HHAT: variants seen among roughly 807,000 people sequenced by gnomAD.
HHAT encodes protein-cysteine N-palmitoyltransferase HHAT.
HHAT carries 47 observed loss-of-function variants against 70.8 expected under a neutral mutation model. That is an observed-to-expected ratio of 0.66 (90% CI 0.53 to 0.85). HHAT has a LOEUF of 0.85. Among genes scored for constraint, HHAT ranks in the 40% least tolerant of loss-of-function variants. HHAT has a pLI of 0.00. For synonymous variants in HHAT, 228 were observed against 247.6 expected (o/e 0.92, Z 0.74); for missense variants, 609 against 604.8 (o/e 1.01, Z -0.07).
rs369153737 is a variant in HHAT at position 210,571,129 on chromosome 1, G to A, written c.1044-16769G>A. 6.3e-4 allele frequency among the ~76,000 whole-genome samples: 96 copies of A among 152,306 alleles called. 3 individuals are homozygous for A. The South Asian group carries it at 0.019, about 30-fold the overall frequency. On this transcript the variant is annotated intron_variant, in intron 9 of 11. Coordinates refer to ENST00000261458, the MANE Select transcript of HHAT (RefSeq NM_018194.6). The stretch of plus-strand genomic sequence containing the variant: ...CTGTGCTACCTAAGGCAAAGATGGC[G>A]AGCTCTGGATCAGCTACTTCTGCCC...
At chr1:210,403,177 G>GT (rs1276273352) in intron 5 of HHAT, among the ~76,000 whole-genome samples, 1 of 152,096 alleles carries the variant, frequency 6.6e-6, no homozygotes, top group East Asian at 1.9e-4. Context: ...TTTTAAGCAC[G>GT]TATGTCAAAA....
chr1:210,334,814 G>A (rs557618007), intron 1 of HHAT, among the ~76,000 whole-genome samples: 173 of 151,756 alleles, frequency 1.1e-3, no homozygotes, highest in African/African-American at 4.0e-3. Flanking sequence ...TGTTATGAAC[G>A]ATTTCATGGT....
chr1:210,374,206 C>A (rs72745436), intron 3 of HHAT: 2 of 152,082 alleles, frequency 1.3e-5, no homozygotes, highest in African/African-American at 4.8e-5. Flanking sequence ...TGATTTGTTT[C>A]TCTCCACGGA....
intron 11 of HHAT, among the ~76,000 whole-genome samples, chr1:210,660,720 T>C (rs893442890): frequency 1.3e-5 from 2 of 152,140 alleles, no homozygotes. Flanking sequence ...AACAGAGATA[T>C]AGACCAATGG....
intron 11 of HHAT, among the ~76,000 whole-genome samples, chr1:210,637,854 G>A (rs1182909701): frequency 1.8e-3 from 84 of 45,934 alleles, no homozygotes; most frequent in Middle Eastern, 0.036. Flanking sequence ...GTGAGACTCC[G>A]TCTCAAAAAA....
At chr1:210,373,948 G>C (rs555770535) in intron 3 of HHAT, among the ~76,000 whole-genome samples, 1 of 152,288 alleles carries the variant, frequency 6.6e-6, no homozygotes, top group South Asian at 2.1e-4. Flanking sequence ...TGTTAATGTT[G>C]CTAATTAGCA....
At chr1:210,605,846 T>C (rs1665286420) in intron 10 of HHAT, among the ~76,000 whole-genome samples, 1 of 152,002 alleles carries the variant, frequency 6.6e-6, no homozygotes, top group African/African-American at 2.4e-5. Context: ...ATTAATTTCT[T>C]CATTTATGTT....
Position 210,329,309 on chromosome 1 carries a change from G to A in HHAT, c.-44+205G>A, listed in dbSNP as rs1244774165. 3 of 1,220,814 alleles carry A rather than the reference G, an allele frequency of 2.5e-6. No individual in the cohort carries two copies. In the African/African-American group the frequency reaches 4.7e-5, roughly 19 times the overall value. The allele number at this position is 1,220,814 out of a possible 1,614,324, so 75.6% of individuals were successfully genotyped here. A position where few individuals can be genotyped will look rare whatever the true frequency, so the allele number is the denominator to read the frequency against. On this transcript the variant is annotated intron_variant, in intron 1 of 11. Transcript: ENST00000261458. ...CGGGGGCCGCGCGCGCAGTGCGCCC[G>A]GGCAAAGGCGGGGATCTAGGCGCCG...
chr1:210,566,448 T>C (rs1430846250), intron 9 of HHAT, among the ~76,000 whole-genome samples: 2 of 152,104 alleles, frequency 1.3e-5, no homozygotes, highest in Non-Finnish European at 2.9e-5. Flanking sequence ...ACAGGCATTC[T>C]TGTTTTTGTT....
chr1:210,489,583 C>T (rs1203511500), intron 8 of HHAT, among the ~76,000 whole-genome samples: 1 of 152,116 alleles, frequency 6.6e-6, no homozygotes, highest in Non-Finnish European at 1.5e-5. Flanking sequence ...TCCCCTTGAC[C>T]AGGGCCTCTT....
intron 9 of HHAT, among the ~76,000 whole-genome samples, chr1:210,515,241 C>T (rs1471748885): frequency 2.0e-5 from 3 of 152,196 alleles, no homozygotes; most frequent in Admixed American, 2.0e-4. Flanking sequence ...CATCCCTAGC[C>T]TCTGGGAGTA....
chr1:210,470,018 A>AT (rs907485183), intron 8 of HHAT, among the ~76,000 whole-genome samples: 2 of 151,922 alleles, frequency 1.3e-5, no homozygotes, highest in Non-Finnish European at 2.9e-5. Flanking sequence ...TAATTTTTAA[A>AT]TTTTTTGTAG....
chr1:210,577,881 T>C (rs1478427592), intron 9 of HHAT, among the ~76,000 whole-genome samples: 2 of 151,920 alleles, frequency 1.3e-5, no homozygotes, highest in Non-Finnish European at 2.9e-5. Flanking sequence ...CCTGACCTCA[T>C]GTGATCTGCC....
intron 9 of HHAT, among the ~76,000 whole-genome samples, chr1:210,571,011 A>G (rs1177162487): frequency 6.6e-6 from 1 of 152,176 alleles, no homozygotes; most frequent in African/African-American, 2.4e-5. Flanking sequence ...TAAATAGGGA[A>G]TGCTCTTGAA....
At chr1:210,552,772 G>T (rs1011573863) in intron 9 of HHAT, among the ~76,000 whole-genome samples, 1 of 152,220 alleles carries the variant, frequency 6.6e-6, no homozygotes, top group Non-Finnish European at 1.5e-5. Flanking sequence ...TGCCAGGAGA[G>T]CAAATGGGGC....
At position 210,364,155 on chromosome 1, in the gene HHAT, G is replaced by C. The variant is rs1163819212; in HGVS notation, c.159+1236G>C. 2.6e-5 allele frequency among the ~76,000 whole-genome samples: 4 copies of C among 152,202 alleles called. No individual in the cohort carries two copies. In the East Asian group the frequency reaches 7.7e-4, roughly 29 times the overall value. Reference sequence around the variant, plus strand: ...TTGGCTTTTGTCGCTCTACCCACCAGATGCTTCCATGAAAACTTAGATGTA... The same window carrying C: ...TTGGCTTTTGTCGCTCTACCCACCACATGCTTCCATGAAAACTTAGATGTA... On this transcript the variant is annotated intron_variant, in intron 3 of 11. Transcript: ENST00000261458.
intron 9 of HHAT, among the ~76,000 whole-genome samples, chr1:210,566,484 G>A (rs1654776029): frequency 6.6e-6 from 1 of 151,976 alleles, no homozygotes; most frequent in Non-Finnish European, 1.5e-5. Context: ...CGCAACCATC[G>A]CACCCCTATC....
intron 7 of HHAT, among the ~76,000 whole-genome samples, chr1:210,424,282 T>A (rs2092992449): frequency 6.6e-6 from 1 of 152,204 alleles, no homozygotes; most frequent in African/African-American, 2.4e-5. Flanking sequence ...CACATTTTTT[T>A]AGCTATTAGA....
intron 9 of HHAT, among the ~76,000 whole-genome samples, chr1:210,543,231 G>C (rs72749373): frequency 0.23 from 34,460 of 151,994 alleles, 4,107 homozygotes; most frequent in Middle Eastern, 0.33. Context: ...AGGCAGGGAA[G>C]TTAGGGGAGG....
Sources: gnomAD v4.1 joint callset for allele counts (sites outside exome capture counted in the v4.1 genomes callset) on GRCh38, gnomAD v4.1.1 for gene constraint, MANE v1.5 for transcripts, NCBI Gene and HGNC (gene_info 2026-07-23, HGNC 2026-07-21) for gene names.